Variants in GLDC observed in about 807,000 individuals in gnomAD.
GLDC encodes the protein glycine dehydrogenase (decarboxylating), mitochondrial.
GLDC carries 104 observed loss-of-function variants against 121.3 expected under a neutral mutation model. The ratio of observed to expected loss-of-function variants is 0.86; its 90% CI spans 0.73 to 1.01. GLDC has a LOEUF of 1.01. GLDC is among the 50% of genes least tolerant of loss of function. The pLI is 0.00. For synonymous variants in GLDC, 546 were observed against 480.6 expected (o/e 1.14, Z -1.78); for missense variants, 1,429 against 1,306.6 (o/e 1.09, Z -1.44).
At chr9:6,535,909 A>G in intron 23 of GLDC, 155 bp downstream of exon 23, 2 of 723,466 alleles carry the variant, frequency 2.8e-6, no homozygotes, top group Non-Finnish European at 4.9e-6. Flanking sequence ...GACGATGGAA[A>G]CTTCAAAGTA....
intron 15 of GLDC, among the ~76,000 whole-genome samples, chr9:6,575,066 G>C (rs558917653): frequency 3.3e-5 from 5 of 152,138 alleles, no homozygotes; most frequent in East Asian, 1.9e-4. Flanking sequence ...GCCAGGTGTG[G>C]TGGCGGGCAC....
chr9:6,640,709 G>T (rs1190064767), intron 2 of GLDC, among the ~76,000 whole-genome samples: 1 of 152,136 alleles, frequency 6.6e-6, no homozygotes. Context: ...TCTATGATTA[G>T]TTCAGTCTAG....
In GLDC at chr9:6,576,368, C is replaced by T. The variant is rs76940592; in HGVS notation, c.1850+10773G>A. On this transcript the variant is annotated intron_variant, in intron 15 of 24. Coordinates refer to ENST00000321612, the MANE Select transcript of GLDC (RefSeq NM_000170.3). ...TGGGGTCTTTCTTAAAATAATGGCA[C>T]TAATCCCATTCAGGATTGTACAACC... Among the ~76,000 whole-genome samples the T allele has an allele frequency of 9.8e-5, 15 of 152,324 alleles. No individual in the cohort carries two copies. The East Asian group carries it at 2.9e-3, about 29-fold the overall frequency.
intron 3 of GLDC, among the ~76,000 whole-genome samples, chr9:6,614,958 C>T (rs965905967): frequency 3.3e-5 from 5 of 152,136 alleles, no homozygotes; most frequent in African/African-American, 1.2e-4. Context: ...AGAAAAGGTA[C>T]AGTAAAAATA....
chr9:6,562,789 G>A (rs922045891), intron 16 of GLDC, among the ~76,000 whole-genome samples: 6 of 152,190 alleles, frequency 3.9e-5, no homozygotes, highest in Admixed American at 2.0e-4. Flanking sequence ...TTGAACTCCT[G>A]ACCTTAGGTG....
intron 24 of GLDC, among the ~76,000 whole-genome samples, chr9:6,533,577 G>A (rs575384228): frequency 2.4e-4 from 37 of 152,136 alleles, no homozygotes; most frequent in Middle Eastern, 3.4e-3. Flanking sequence ...TTAATTTCTC[G>A]GCTGGGCGCA....
intron 2 of GLDC, among the ~76,000 whole-genome samples, chr9:6,630,128 T>A (rs1471239373): frequency 6.6e-6 from 1 of 151,184 alleles, no homozygotes; most frequent in Middle Eastern, 3.2e-3. Context: ...TTTTGAACAA[T>A]GTGCCTATAT....
intron 21 of GLDC, among the ~76,000 whole-genome samples, chr9:6,548,764 T>C (rs1433937482): frequency 6.6e-6 from 1 of 152,134 alleles, no homozygotes; most frequent in Non-Finnish European, 1.5e-5. Flanking sequence ...TCTGGGCCCA[T>C]AGCAAGGACT....
intron 16 of GLDC, among the ~76,000 whole-genome samples, chr9:6,562,959 C>G (rs1394816161): frequency 6.6e-6 from 1 of 152,220 alleles, no homozygotes; most frequent in Non-Finnish European, 1.5e-5. Context: ...CTGCCTCTCC[C>G]TTTCCCCCTC....
intron 3 of GLDC, among the ~76,000 whole-genome samples, chr9:6,615,258 T>A (rs1405315818): frequency 6.6e-6 from 1 of 152,030 alleles, no homozygotes; most frequent in Non-Finnish European, 1.5e-5. Flanking sequence ...ACTTTTAAAA[T>A]CCCTAGCTTT....
chr9:6,619,145 GCAAAAA>G (rs1466951823), intron 3 of GLDC, among the ~76,000 whole-genome samples: 44 of 30,196 alleles, frequency 1.5e-3, no homozygotes, highest in African/African-American at 6.1e-3. Context: ...TCTGTCTCAG[GCAAAAA>G]AAAAAAAAAA....
intron 2 of GLDC, chr9:6,639,055 C>T (rs1243908999): frequency 1.6e-6 from 1 of 633,686 alleles, no homozygotes; most frequent in Non-Finnish European, 2.8e-6. Flanking sequence ...CAATAGTAGT[C>T]AGTAAACATT....
At chr9:6,595,390 C>T (rs891667244) in intron 8 of GLDC, among the ~76,000 whole-genome samples, 6 of 152,134 alleles carry the variant, frequency 3.9e-5, no homozygotes, top group Non-Finnish European at 2.9e-5. Flanking sequence ...AATCATGTCA[C>T]CCTTAAGGGC....
rs1463106449 is a variant in GLDC, at chr9:6,537,183, A to T, written c.2666-947T>A. On this transcript the variant is annotated intron_variant, in intron 22 of 24. Transcript: ENST00000321612. ...GTAGCTGAGACTACAGGTGCACGCC[A>T]CCATGCCCAGCTAATTTTGTTGTTG... is the stretch of plus-strand genomic sequence containing the variant. Among the ~76,000 whole-genome samples, 3 of 152,204 alleles carry T rather than the reference A, an allele frequency of 2.0e-5. No homozygotes were observed. In the East Asian group the frequency reaches 5.8e-4, roughly 29 times the overall value.
intron 3 of GLDC, 133 bp downstream of exon 3, chr9:6,620,051 T>A: frequency 2.3e-6 from 2 of 857,602 alleles, no homozygotes; most frequent in Non-Finnish European, 4.0e-6. Context: ...CCCGGTAGGT[T>A]CCCGGACATT....
At chr9:6,584,457 T>A (rs1331917287) in intron 15 of GLDC, among the ~76,000 whole-genome samples, 1 of 152,220 alleles carries the variant, frequency 6.6e-6, no homozygotes, top group South Asian at 2.1e-4. Context: ...AGCCCTGTTG[T>A]AGACACAGAA....
rs766190724 is a variant in GLDC at position 6,610,384 on chromosome 9, A to G, written c.471-28T>C. ...GCAAGGGAAACAAAAGGTCTTGTCC[A>G]AACTGACTGCTGTTTAGAGAAGCAC... On this transcript the variant is annotated intron_variant, in intron 3 of 24. Transcript: ENST00000321612. 5.0e-6 allele frequency: 8 copies of G among 1,611,844 alleles called. No individual in the cohort carries two copies. The East Asian group carries it at 6.7e-5, about 13-fold the overall frequency.
Position 6,589,253 on chromosome 9 carries a change from T to G in GLDC, c.1522A>C (p.Ile508Leu). 6.2e-7 allele frequency: 1 copy of G among 1,611,214 alleles called. No individual in the cohort carries two copies. The highest frequency in any genetic ancestry group is 1.1e-5 in the South Asian group (1 of 91,024). The change falls in exon 12 of 25, where the codon ATT (isoleucine) becomes CTT (leucine). Residue 508 changes from isoleucine to leucine, a missense_variant. By Grantham distance (5) the Ile-to-Leu change is conservative. Coordinates refer to ENST00000321612, the MANE Select transcript of GLDC (RefSeq NM_000170.3). The stretch of plus-strand genomic sequence containing the variant: ...GTCCTCTTGAACACAGACCCTGGAA[T>G]ACCTCTGCACTCCTCTCCCATGCTT... ...AESMGEECRGIPGSVFKRTSP... is the reference protein window; with the variant it reads ...AESMGEECRGLPGSVFKRTSP...
At position 6,573,501 on chromosome 9, in the gene GLDC, TAA is replaced by T. The variant is rs953869140; in HGVS notation, c.1851-8074_1851-8073del. The stretch of plus-strand genomic sequence containing the variant: ...AAAAGAATACATTTATGTGATTTTT[TAA>T]AAAAAAATCCATCATCAGTGCAGAA... On this transcript the variant is annotated intron_variant, in intron 15 of 24. Transcript: ENST00000321612. Among the ~76,000 whole-genome samples the T allele has an allele frequency of 2.1e-3, 316 of 150,308 alleles. 1 individual carries two copies. Among genetic ancestry groups the T allele is most frequent in the African/African-American group, 7.0e-3 (289 of 41,018 alleles).
Sources: allele counts gnomAD v4.1 joint callset (sites outside exome capture counted in the v4.1 genomes callset), GRCh38; gene constraint gnomAD v4.1.1; transcripts MANE v1.5; gene names NCBI Gene and HGNC (gene_info 2026-07-23, HGNC 2026-07-21).